The following ASH1L variants were observed in gnomAD, a reference collection of about 807,000 sequenced individuals.
ASH1L encodes ASH1 like histone lysine methyltransferase.
Under a neutral mutation model 269.0 loss-of-function variants are expected in ASH1L, and 23 were observed. The ratio of observed to expected loss-of-function variants is 0.09; its 90% CI spans 0.06 to 0.12. ASH1L has a LOEUF of 0.12. Among genes scored for constraint, ASH1L ranks in the 10% least tolerant of loss-of-function variants. The pLI is 1.00. For missense variants in ASH1L, 2,912 were observed against 3,567.8 expected, an observed-to-expected ratio of 0.82 and a Z score of 4.68; for synonymous variants, 1,187 against 1,253.5, an observed-to-expected ratio of 0.95 and a Z score of 1.12.
intron 4 of ASH1L, among the ~76,000 whole-genome samples, chr1:155,449,676 T>G (rs576958131): frequency 4.5e-4 from 68 of 152,122 alleles, no homozygotes; most frequent in Non-Finnish European, 2.9e-5. Flanking sequence ...CCCGCCACCA[T>G]GCCTGGCTAC....
intron 2 of ASH1L, among the ~76,000 whole-genome samples, chr1:155,489,794 C>CAAAA (rs1188460715): frequency 2.3e-5 from 1 of 42,696 alleles, no homozygotes; most frequent in Non-Finnish European, 5.8e-5. Flanking sequence ...GACACTGTCT[C>CAAAA]AAAATAAATA....
At position 155,335,397 on chromosome 1, in the gene ASH1L, T is replaced by C. The variant is rs1324788836; in HGVS notation, c.*2263A>G. The C allele has an allele frequency of 2.0e-5, 3 of 152,798 alleles. No homozygotes were observed. The highest frequency in any genetic ancestry group is 7.2e-5 in the African/African-American group (3 of 41,452). The allele number at this position is 152,798 out of a possible 1,614,324, so 9.5% of individuals were successfully genotyped here. On this transcript the variant is annotated 3_prime_UTR_variant, in exon 28 of 28. Coordinates refer to ENST00000392403, the MANE Select transcript of ASH1L (RefSeq NM_018489.3). ...AGATTAACATCAAAACAATCATCTA[T>C]TTAGATATGCTTTTGTAAAAAGGAA...
chr1:155,383,280 A>G (rs1657142483), intron 7 of ASH1L, among the ~76,000 whole-genome samples: 1 of 152,178 alleles, frequency 6.6e-6, no homozygotes, highest in African/African-American at 2.4e-5. Context: ...GTGTTTATAA[A>G]ATCTACAGTA....
rs1665785233 is a variant in ASH1L at position 155,479,300 on chromosome 1, C to T, written c.3570G>A (p.Glu1190=). 9 of 1,614,116 alleles carry T rather than the reference C, an allele frequency of 5.6e-6. No homozygotes were observed. Among genetic ancestry groups the T allele is most frequent in the Non-Finnish European group, 6.8e-6 (8 of 1,180,024 alleles). ...LKEATPSPIS[E]SHSDETIPSD... is the part of the protein sequence containing the mutation. Reference sequence around the variant, plus strand: ...TGGGAATGGTCTCATCACTATGAGACTCACTGATTGGGGAAGGAGTAGCTT... The same window carrying T: ...TGGGAATGGTCTCATCACTATGAGATTCACTGATTGGGGAAGGAGTAGCTT... Residue 1190 remains glutamate, a synonymous_variant, in exon 3 of 28, where the codon GAG becomes GAA. Coordinates refer to ENST00000392403, the MANE Select transcript of ASH1L (RefSeq NM_018489.3).
intron 2 of ASH1L, among the ~76,000 whole-genome samples, chr1:155,517,839 C>T (rs865824613): frequency 4.7e-5 from 5 of 105,758 alleles, no homozygotes; most frequent in Non-Finnish European, 8.6e-5. Flanking sequence ...CTCGCTCTGT[C>T]GCCCAGGCTG....
intron 2 of ASH1L, among the ~76,000 whole-genome samples, chr1:155,489,288 T>C (rs1666579907): frequency 6.6e-6 from 1 of 150,594 alleles, no homozygotes; most frequent in Non-Finnish European, 1.5e-5. Flanking sequence ...CTGATCAATA[T>C]GGTGAAAACA....
At chr1:155,348,488 G>C (rs758457611) in intron 19 of ASH1L, among the ~76,000 whole-genome samples, 1 of 151,848 alleles carries the variant, frequency 6.6e-6, no homozygotes, top group Non-Finnish European at 1.5e-5. Flanking sequence ...CCATACAATA[G>C]TCCATCCTGT....
At position 155,416,399 on chromosome 1, in the gene ASH1L, T is replaced by C. The variant is rs12058261; in HGVS notation, c.5829-476A>G. Among the ~76,000 whole-genome samples, 72 of 152,286 alleles carry C rather than the reference T, an allele frequency of 4.7e-4. 1 individual carries two copies. The highest frequency in any genetic ancestry group is 1.7e-3 in the African/African-American group (70 of 41,570). ...CTCCCAAGTGCTGGGATTATAGGCA[T>C]GAGCCACCGTGCCCGGCATGAGAAA... On this transcript the variant is annotated intron_variant, in intron 5 of 27. Transcript: ENST00000392403.
intron 5 of ASH1L, among the ~76,000 whole-genome samples, chr1:155,431,318 T>C (rs1406577678): frequency 2.0e-5 from 3 of 151,836 alleles, no homozygotes; most frequent in Non-Finnish European, 4.4e-5. Flanking sequence ...AGAGGCAAGG[T>C]CACACTCTGT....
intron 13 of ASH1L, among the ~76,000 whole-genome samples, chr1:155,359,974 C>A (rs1218580433): frequency 6.6e-6 from 1 of 151,898 alleles, no homozygotes. Flanking sequence ...CGTAACGCAA[C>A]CTCCGCCTCC....
intron 2 of ASH1L, among the ~76,000 whole-genome samples, chr1:155,505,216 C>CAT (rs1298231007): frequency 6.6e-6 from 1 of 152,172 alleles, no homozygotes; most frequent in Admixed American, 6.6e-5. Flanking sequence ...CCTAAGTGTG[C>CAT]ATTTTCCCTT....
chr1:155,354,542 T>C lies in ASH1L; in HGVS notation c.7144A>G (p.Asn2382Asp). 2 of 1,613,606 alleles carry C rather than the reference T, an allele frequency of 1.2e-6. No homozygotes were observed. The highest frequency in any genetic ancestry group is 1.1e-5 in the South Asian group (1 of 91,028). Residue 2382 changes from asparagine to aspartate, a missense_variant, in exon 16 of 28, where the codon AAT (asparagine) becomes GAT (aspartate). Asn to Asp is a conservative substitution (Grantham distance 23). Around this residue, in one of 13 missense-constraint regions of ASH1L, gnomAD observed 309 missense variants for 435.1 expected, o/e 0.71. Transcript: ENST00000392403. ...KQEEVKHTSD[N>D]IHSASLYTRW... ...GTATATAATGATGCTGAGTGAATAT[T>C]ATCACTGGTGTGCTTTACTTCCTCC...
In ASH1L at chr1:155,557,443, G is replaced by GT. The variant is rs1246695739; in HGVS notation, c.-100+4709dup. Among the ~76,000 whole-genome samples, 426 of 149,296 alleles carry GT rather than the reference G, an allele frequency of 2.9e-3. 4 individuals carry two copies. Among genetic ancestry groups the GT allele is most frequent in the Admixed American group, 7.6e-3 (114 of 14,934 alleles). The stretch of plus-strand genomic sequence containing the variant: ...ATGCCCGGCTAATTTTGTTTTTTGG[G>GT]TTTTTTTTTTGTATTTTTGGTAGAG... On this transcript the variant is annotated intron_variant, in intron 1 of 27. Coordinates refer to ENST00000392403, the MANE Select transcript of ASH1L (RefSeq NM_018489.3).
chr1:155,355,187 G>C (rs769284990), intron 15 of ASH1L, among the ~76,000 whole-genome samples: 5 of 152,140 alleles, frequency 3.3e-5, no homozygotes, highest in Non-Finnish European at 7.4e-5. Flanking sequence ...AATAGCTGGG[G>C]TTATAGGTGC....
chr1:155,447,279 T>G (rs1663110080), intron 4 of ASH1L, among the ~76,000 whole-genome samples: 1 of 152,234 alleles, frequency 6.6e-6, no homozygotes, highest in Admixed American at 6.5e-5. Context: ...ATGTCAAATT[T>G]TGTCAAATAT....
intron 1 of ASH1L, among the ~76,000 whole-genome samples, chr1:155,522,552 A>C (rs1668960531): frequency 6.6e-6 from 1 of 152,236 alleles, no homozygotes; most frequent in Non-Finnish European, 1.5e-5. Context: ...AAATGTTTTA[A>C]AACTAGCGTG....
At chr1:155,563,040 C>T (rs1432615941), upstream of ASH1L, 2 of 458,890 alleles carry the variant, frequency 4.4e-6, no homozygotes, top group South Asian at 1.5e-5. Context: ...CTGGAATTGC[C>T]AGAATGGCGG....
rs1057267227 is a variant in ASH1L, at chr1:155,493,829, G to A, written c.421-11380C>T. Among the ~76,000 whole-genome samples the A allele has an allele frequency of 5.3e-5, 8 of 152,112 alleles. No homozygotes were observed. In the East Asian group the frequency reaches 7.7e-4, roughly 15 times the overall value. On this transcript the variant is annotated intron_variant, in intron 2 of 27. Coordinates refer to ENST00000392403, the MANE Select transcript of ASH1L (RefSeq NM_018489.3). ...GCAGAGGTTGCAGTGAGCTGAGATCGTGCCACTGCACTCCAGCCTGGGGGA... is the reference window on the plus strand; with the variant it reads ...GCAGAGGTTGCAGTGAGCTGAGATCATGCCACTGCACTCCAGCCTGGGGGA...
intron 7 of ASH1L, 31 bp from the exon 8 acceptor site, chr1:155,380,147 C>A (rs999976763): frequency 2.6e-6 from 4 of 1,535,978 alleles, no homozygotes; most frequent in Middle Eastern, 1.7e-4. Context: ...AATTTCAATA[C>A]CTTTTCTAAT....
Sources: gnomAD v4.1 joint callset for allele counts (sites outside exome capture counted in the v4.1 genomes callset) on GRCh38, gnomAD v4.1.1 for gene constraint, gnomAD v4.1.1 regional missense constraint, MANE v1.5 for transcripts, NCBI Gene and HGNC (gene_info 2026-07-23, HGNC 2026-07-21) for gene names.